The following HUNK variants were observed in gnomAD, a reference collection of about 807,000 sequenced individuals.
HUNK encodes the protein hormonally up-regulated Neu-associated kinase.
HUNK carries 21 observed loss-of-function variants against 61.0 expected under a neutral mutation model. The ratio of observed to expected loss-of-function variants is 0.34; its 90% CI spans 0.24 to 0.50. HUNK has a LOEUF of 0.50. Among genes scored for constraint, HUNK ranks in the 20% least tolerant of loss-of-function variants. The probability of loss-of-function intolerance (pLI) is 0.98; values close to 1 mark genes in which losing one functional copy is unlikely to be tolerated. For synonymous variants in HUNK, 371 were observed against 386.1 expected, an observed-to-expected ratio of 0.96 and a Z score of 0.46; for missense variants, 772 against 945.7, an observed-to-expected ratio of 0.82 and a Z score of 2.41.
chr21:31,983,563 G>C lies in HUNK; in HGVS notation c.1211G>C (p.Arg404Pro). The change falls in exon 8 of 11, where the codon CGG becomes CCG. Residue 404 changes from arginine to proline, a missense_variant. Transcript: ENST00000270112. ...CAGGACAGCCTCTGCTACAAGACCC[G>C]GCTCTACCAGATAGAAAAGTACAGG... ...DIQDSLCYKT[R>P]LYQIEKYRAP... 8 of 1,613,816 alleles carry C rather than the reference G, an allele frequency of 5.0e-6. No individual in the cohort carries two copies. The highest frequency in any genetic ancestry group is 6.8e-6 in the Non-Finnish European group (8 of 1,179,970).
intron 5 of HUNK, among the ~76,000 whole-genome samples, chr21:31,961,727 G>A (rs2052930204): frequency 6.6e-6 from 1 of 152,136 alleles, no homozygotes; most frequent in Non-Finnish European, 1.5e-5. Context: ...AAGTTTCTTT[G>A]AGGGTTCAGA....
At position 31,984,832 on chromosome 21, in the gene HUNK, G is replaced by A. The variant is rs576448402; in HGVS notation, c.1257+1223G>A. On this transcript the variant is annotated intron_variant, in intron 8 of 10. Coordinates refer to ENST00000270112, the MANE Select transcript of HUNK (RefSeq NM_014586.2). ...AGGAACCTCTCTCCTGGGACACCCA[G>A]GTCTATTAGTCTGTTCTCACGCTGC... Among the ~76,000 whole-genome samples, 5 of 152,256 alleles carry A rather than the reference G, an allele frequency of 3.3e-5. No individual in the cohort carries two copies. The South Asian group carries it at 1.0e-3, about 32-fold the overall frequency.
At position 32,001,764 on chromosome 21, in the gene HUNK, C is replaced by T. The variant is rs2053247903; in HGVS notation, c.*2580C>T. On this transcript the variant is annotated 3_prime_UTR_variant, in exon 11 of 11. Coordinates refer to ENST00000270112, the MANE Select transcript of HUNK (RefSeq NM_014586.2). ...ATTTATATGGAAAGCTCGACTCTCCCTTTGGTAAGTCCGAAGCATGTTGTC... is the reference window on the plus strand; with the variant it reads ...ATTTATATGGAAAGCTCGACTCTCCTTTTGGTAAGTCCGAAGCATGTTGTC... 6.6e-6 allele frequency: 1 copy of T among 152,534 alleles called. No homozygotes were observed. Among genetic ancestry groups the T allele is most frequent in the South Asian group, 2.1e-4 (1 of 4,814 alleles). The allele number at this position is 152,534 out of a possible 1,614,324, so 9.4% of individuals were successfully genotyped here.
intron 7 of HUNK, among the ~76,000 whole-genome samples, chr21:31,981,369 A>ATTTTTT (rs71320222): frequency 6.8e-6 from 1 of 147,222 alleles, no homozygotes. Context: ...AAATGTTAGG[A>ATTTTTT]TTTTTTTTTT....
intron 9 of HUNK, among the ~76,000 whole-genome samples, chr21:31,990,401 T>G (rs1464365746): frequency 6.6e-6 from 1 of 151,760 alleles, no homozygotes; most frequent in East Asian, 1.9e-4. Context: ...GCAGAATTTC[T>G]TTTGCCAGAA....
chr21:31,893,318 G>A (rs2052403889), intron 1 of HUNK, among the ~76,000 whole-genome samples: 1 of 152,112 alleles, frequency 6.6e-6, no homozygotes. Flanking sequence ...AGTCTTCCAG[G>A]TAATAAAAAG....
At chr21:31,958,792 C>T in intron 4 of HUNK, 51 bp from the exon 5 acceptor site, 1 of 1,508,736 alleles carries the variant, frequency 6.6e-7, no homozygotes, top group Non-Finnish European at 8.9e-7. Context: ...CCCAGTCTTC[C>T]CCTCCCCAGG....
At chr21:31,876,199 C>T (rs536990262) in intron 1 of HUNK, among the ~76,000 whole-genome samples, 2 of 152,216 alleles carry the variant, frequency 1.3e-5, no homozygotes, top group Non-Finnish European at 2.9e-5. Flanking sequence ...TGGTGGACTG[C>T]GGGTAAGGAT....
At chr21:31,978,042 G>A (rs2053063089) in intron 7 of HUNK, among the ~76,000 whole-genome samples, 1 of 152,206 alleles carries the variant, frequency 6.6e-6, no homozygotes, top group African/African-American at 2.4e-5. Flanking sequence ...TGTGTTGCCA[G>A]CTGCTGCATT....
chr21:31,960,397 C>G (rs1026047636), intron 5 of HUNK, among the ~76,000 whole-genome samples: 4 of 143,502 alleles, frequency 2.8e-5, no homozygotes, highest in Non-Finnish European at 6.1e-5. Flanking sequence ...TTTTTTTTAA[C>G]AAATAAGATT....
intron 4 of HUNK, among the ~76,000 whole-genome samples, chr21:31,955,941 C>T (rs2052886736): frequency 6.6e-6 from 1 of 152,190 alleles, no homozygotes; most frequent in South Asian, 2.1e-4. Context: ...TTTTCCTCCC[C>T]TTAACTCAAT....
At chr21:31,900,446 A>AACACACAC (rs3138690) in intron 1 of HUNK, among the ~76,000 whole-genome samples, 18,000 of 142,990 alleles carry the variant, frequency 0.13, 1,254 homozygotes, top group Middle Eastern at 0.15. Context: ...TAGTTACTGA[A>AACACACAC]ACACACACAC....
At chr21:31,941,408 G>A (rs945494770) in intron 3 of HUNK, among the ~76,000 whole-genome samples, 2 of 151,766 alleles carry the variant, frequency 1.3e-5, no homozygotes, top group Non-Finnish European at 2.9e-5. Flanking sequence ...CCGGGTTCAA[G>A]CGATTCTCCT....
rs1165188428 is a variant in HUNK at position 31,972,037 on chromosome 21, G to T, written c.1011-2518G>T. ...GTAGAGATGGGGGTTTTTCTGTGTT[G>T]CCCAGGCTGGTCTTAAACTCCTGGC... On this transcript the variant is annotated intron_variant, in intron 6 of 10. Transcript: ENST00000270112. Among the ~76,000 whole-genome samples the T allele has an allele frequency of 2.0e-5, 3 of 152,022 alleles. No individual in the cohort carries two copies. In the South Asian group the frequency reaches 6.2e-4, roughly 32 times the overall value.
At chr21:31,968,439 A>G in intron 6 of HUNK, 54 bp downstream of exon 6, 1 of 1,601,880 alleles carries the variant, frequency 6.2e-7, no homozygotes. Context: ...CTGTCCTACT[A>G]GCCCTGAGCA....
chr21:31,972,511 G>A (rs948557389), intron 6 of HUNK, among the ~76,000 whole-genome samples: 1 of 152,064 alleles, frequency 6.6e-6, no homozygotes. Context: ...GCAGAGATGG[G>A]GTGTCTGCCC....
intron 6 of HUNK, among the ~76,000 whole-genome samples, chr21:31,973,064 A>G (rs943037117): frequency 3.9e-5 from 6 of 152,116 alleles, no homozygotes; most frequent in Non-Finnish European, 5.9e-5. Flanking sequence ...ACCCCTTGAC[A>G]TGGAGGCTAG....
At chr21:31,911,684 T>G (rs934156141) in intron 1 of HUNK, among the ~76,000 whole-genome samples, 5 of 151,678 alleles carry the variant, frequency 3.3e-5, no homozygotes, top group African/African-American at 1.2e-4. Context: ...GGGAGAGAGA[T>G]GGGGTGCCTA....
Position 31,958,285 on chromosome 21 carries a change from A to ACTTTCTTTCTTT in HUNK, c.747-545_747-534dup, listed in dbSNP as rs370819225. The stretch of plus-strand genomic sequence containing the variant: ...TCACATTCAAGTGCTCTCACCCAAG[A>ACTTTCTTTCTTT]CTTTCTTTCTTTCTTTCTTTCTTTT... On this transcript the variant is annotated intron_variant, in intron 4 of 10. Coordinates refer to ENST00000270112, the MANE Select transcript of HUNK (RefSeq NM_014586.2). 3.5e-3 allele frequency among the ~76,000 whole-genome samples: 517 copies of ACTTTCTTTCTTT among 149,218 alleles called. 3 individuals are homozygous for ACTTTCTTTCTTT. The highest frequency in any genetic ancestry group is 0.016 in the South Asian group (73 of 4,614).
Sources: allele counts gnomAD v4.1 joint callset (sites outside exome capture counted in the v4.1 genomes callset), GRCh38; gene constraint gnomAD v4.1.1; transcripts MANE v1.5; gene names NCBI Gene and HGNC (gene_info 2026-07-23, HGNC 2026-07-21).